SEMA3D: variants seen among roughly 807,000 people sequenced by gnomAD.
SEMA3D encodes the protein semaphorin-3D.
SEMA3D carries 84 observed loss-of-function variants against 100.1 expected under a neutral mutation model. The observed-to-expected ratio is 0.84, with a 90% confidence interval of 0.70 to 1.01. The LOEUF (loss-of-function observed/expected upper bound fraction) is 1.01. SEMA3D is among the 50% of genes least tolerant of loss of function. SEMA3D has a pLI of 0.00. For synonymous variants in SEMA3D, 312 were observed against 320.7 expected (o/e 0.97, Z 0.29); for missense variants, 875 against 934.1 (o/e 0.94, Z 0.82).
chr7:85,146,443 A>G (rs1790206444), intron 2 of SEMA3D, among the ~76,000 whole-genome samples: 1 of 151,662 alleles, frequency 6.6e-6, no homozygotes, highest in Non-Finnish European at 1.5e-5. Context: ...AACCCCAGCT[A>G]CTCGGGAGGC....
intron 7 of SEMA3D, among the ~76,000 whole-genome samples, chr7:85,066,913 C>CACACAGAGAGAGAG: frequency 2.3e-5 from 3 of 127,758 alleles, no homozygotes; most frequent in African/African-American, 9.5e-5. Context: ...CACACACACA[C>CACACAGAGAGAGAG]AGAGAGAGAG....
chr7:85,065,309 T>C, intron 8 of SEMA3D, 115 bp downstream of exon 8: 1 of 923,990 alleles, frequency 1.1e-6, no homozygotes, highest in Non-Finnish European at 1.6e-6. Context: ...ATGTATTTTA[T>C]AATGTTGAGC....
chr7:85,145,745 T>C (rs867800278), intron 2 of SEMA3D, among the ~76,000 whole-genome samples: 1 of 152,278 alleles, frequency 6.6e-6, no homozygotes, highest in Non-Finnish European at 1.5e-5. Context: ...AAACACACTG[T>C]CATCCCTCAA....
At chr7:85,092,534 A>C (rs1336492194) in intron 4 of SEMA3D, among the ~76,000 whole-genome samples, 2 of 152,084 alleles carry the variant, frequency 1.3e-5, no homozygotes, top group African/African-American at 2.4e-5. Context: ...AAACCAAACC[A>C]ATAAAAGTGG....
intron 1 of SEMA3D, among the ~76,000 whole-genome samples, chr7:85,170,712 T>G (rs902833545): frequency 6.6e-6 from 1 of 151,964 alleles, no homozygotes; most frequent in South Asian, 2.1e-4. Context: ...TCCTTGAAAA[T>G]TATTCATAGG....
intron 17 of SEMA3D, among the ~76,000 whole-genome samples, chr7:85,011,974 G>A (rs1414102292): frequency 6.6e-6 from 1 of 151,640 alleles, no homozygotes; most frequent in Admixed American, 6.6e-5. Context: ...TGGTGTGTGT[G>A]TGTGCATATA....
chr7:85,095,566 C>A (rs1406695786), intron 4 of SEMA3D, among the ~76,000 whole-genome samples: 1 of 152,052 alleles, frequency 6.6e-6, no homozygotes, highest in African/African-American at 2.4e-5. Context: ...TGCCGAGGGG[C>A]ACTGAGCCAA....
At chr7:85,203,506 G>A in the SEMA3D span, among the ~76,000 whole-genome samples, 3 of 152,216 alleles carry the variant, frequency 2.0e-5, no homozygotes, top group Non-Finnish European at 4.4e-5. Context: ...TGTTAACAGG[G>A]CTTTTGAGCA....
chr7:85,102,585 C>T (rs1788783202), intron 3 of SEMA3D, among the ~76,000 whole-genome samples: 1 of 151,860 alleles, frequency 6.6e-6, no homozygotes, highest in African/African-American at 2.4e-5. Flanking sequence ...TGATTTGAAG[C>T]TACTAAAATG....
chr7:85,188,616 T>C (rs558417892), upstream of SEMA3D, among the ~76,000 whole-genome samples: 18 of 152,318 alleles, frequency 1.2e-4, no homozygotes, highest in Non-Finnish European at 2.5e-4. Context: ...TTATAGTAAG[T>C]AGTTTTTGAT....
intron 4 of SEMA3D, among the ~76,000 whole-genome samples, chr7:85,093,542 T>C (rs1358533226): frequency 6.6e-6 from 1 of 152,026 alleles, no homozygotes; most frequent in Non-Finnish European, 1.5e-5. Flanking sequence ...TATTTTCATC[T>C]TTGTAGTCAC....
At chr7:85,216,599 A>T in the SEMA3D span, among the ~76,000 whole-genome samples, 1 of 151,898 alleles carries the variant, frequency 6.6e-6, no homozygotes, top group African/African-American at 2.4e-5. Context: ...TTAGAATTTG[A>T]CACCACTGTT....
chr7:85,080,222 T>C (rs1583902809), intron 5 of SEMA3D, among the ~76,000 whole-genome samples: 1 of 152,208 alleles, frequency 6.6e-6, no homozygotes, highest in East Asian at 1.9e-4. Flanking sequence ...GCAGTATCTG[T>C]ATCCCCCATT....
intron 8 of SEMA3D, among the ~76,000 whole-genome samples, chr7:85,056,560 A>T (rs535250091): frequency 6.6e-6 from 1 of 150,812 alleles, no homozygotes; most frequent in African/African-American, 2.4e-5. Context: ...ATAAGCATTA[A>T]ATTCCTTTTT....
intron 1 of SEMA3D, among the ~76,000 whole-genome samples, chr7:85,183,764 T>A (rs1791464537): frequency 6.6e-6 from 1 of 152,214 alleles, no homozygotes. Context: ...TTCCAAAACA[T>A]TTTACATTGC....
At chr7:85,201,210 A>T in the SEMA3D span, among the ~76,000 whole-genome samples, 5 of 152,090 alleles carry the variant, frequency 3.3e-5, no homozygotes, top group Non-Finnish European at 5.9e-5. Context: ...GGTTTCCACC[A>T]TTTGCTCTCT....
At chr7:85,094,042 C>T (rs1367528226) in intron 4 of SEMA3D, among the ~76,000 whole-genome samples, 1 of 151,852 alleles carries the variant, frequency 6.6e-6, no homozygotes, top group African/African-American at 2.4e-5. Context: ...AAAGTGAAAT[C>T]CAGGAAGTTT....
At chr7:85,126,808 A>G (rs1789584162) in intron 2 of SEMA3D, among the ~76,000 whole-genome samples, 1 of 152,122 alleles carries the variant, frequency 6.6e-6, no homozygotes, top group African/African-American at 2.4e-5. Flanking sequence ...TTTATGTTAC[A>G]GGGGGCTATT....
the SEMA3D span, among the ~76,000 whole-genome samples, chr7:85,230,970 T>C: frequency 2.6e-5 from 4 of 152,244 alleles, no homozygotes; most frequent in South Asian, 8.3e-4. Flanking sequence ...TACTCCCAGT[T>C]CTTGAACACT....
Sources: gnomAD v4.1 joint callset for allele counts (sites outside exome capture counted in the v4.1 genomes callset) on GRCh38, gnomAD v4.1.1 for gene constraint, MANE v1.5 for transcripts, NCBI Gene and HGNC (gene_info 2026-07-23, HGNC 2026-07-21) for gene names.